Variants in ATP10B observed in about 807,000 individuals in gnomAD.
ATP10B encodes ATPase phospholipid transporting 10B (putative).
Under a neutral mutation model 141.2 loss-of-function variants are expected in ATP10B, and 122 were observed. The ratio of observed to expected loss-of-function variants is 0.86; its 90% CI spans 0.75 to 1.00. The LOEUF (loss-of-function observed/expected upper bound fraction) is 1.00. ATP10B is among the 50% of genes least tolerant of loss of function. The pLI, the probability that ATP10B is intolerant of heterozygous loss-of-function variation, is 0.00. For synonymous variants in ATP10B, 685 were observed against 692.0 expected (o/e 0.99, Z 0.16); for missense variants, 1,876 against 1,825.3 (o/e 1.03, Z -0.51).
intron 1 of ATP10B, among the ~76,000 whole-genome samples, chr5:160,789,122 A>G (rs1771387587): frequency 6.6e-6 from 1 of 152,146 alleles, no homozygotes; most frequent in African/African-American, 2.4e-5. Context: ...GCACCCATAC[A>G]TGTGGATGAA....
At chr5:160,665,331 A>G (rs965011397) in intron 7 of ATP10B, among the ~76,000 whole-genome samples, 1 of 152,242 alleles carries the variant, frequency 6.6e-6, no homozygotes, top group African/African-American at 2.4e-5. Context: ...TGCTTAAGCC[A>G]TGAGGATTGT....
chr5:160,861,869 A>G, the ATP10B span, among the ~76,000 whole-genome samples: 2 of 151,970 alleles, frequency 1.3e-5, no homozygotes, highest in Non-Finnish European at 2.9e-5. Flanking sequence ...TTTAAAAATA[A>G]CAATATATCT....
intron 16 of ATP10B, among the ~76,000 whole-genome samples, chr5:160,617,256 C>A (rs1190286609): frequency 6.6e-6 from 1 of 152,228 alleles, no homozygotes. Context: ...GCCTGCCTTG[C>A]AGAAGTTGCA....
At chr5:160,709,852 T>C (rs1236328219) in intron 3 of ATP10B, among the ~76,000 whole-genome samples, 1 of 112,194 alleles carries the variant, frequency 8.9e-6, no homozygotes, top group African/African-American at 3.5e-5. Flanking sequence ...TGAGTGAGAA[T>C]ATGCGGTGTT....
At chr5:160,690,954 C>A (rs1164253231) in intron 3 of ATP10B, among the ~76,000 whole-genome samples, 1 of 152,152 alleles carries the variant, frequency 6.6e-6, no homozygotes, top group African/African-American at 2.4e-5. Context: ...TTGGAACCAA[C>A]CCAAATGCCC....
intron 1 of ATP10B, among the ~76,000 whole-genome samples, chr5:160,800,818 A>G (rs1213920247): frequency 6.6e-6 from 1 of 152,222 alleles, no homozygotes; most frequent in Non-Finnish European, 1.5e-5. Context: ...TCAGCTTAAG[A>G]AACACATTTA....
the ATP10B span, among the ~76,000 whole-genome samples, chr5:160,903,935 G>C: frequency 3.7e-4 from 56 of 152,230 alleles, 1 homozygote; most frequent in South Asian, 0.011. Flanking sequence ...TAAAGAGGCA[G>C]AACATATGGG....
At chr5:160,831,808 A>G (rs780180820) in intron 1 of ATP10B, among the ~76,000 whole-genome samples, 4 of 152,164 alleles carry the variant, frequency 2.6e-5, no homozygotes, top group African/African-American at 4.8e-5. Context: ...TAGGATGTCA[A>G]GAGGTAATAG....
At chr5:160,864,259 G>T in the ATP10B span, among the ~76,000 whole-genome samples, 4 of 151,986 alleles carry the variant, frequency 2.6e-5, no homozygotes. Context: ...TACCAGCCAT[G>T]CAGGGATAGT....
At chr5:160,801,929 A>G (rs1055964343) in intron 1 of ATP10B, among the ~76,000 whole-genome samples, 6 of 152,148 alleles carry the variant, frequency 3.9e-5, no homozygotes, top group Non-Finnish European at 8.8e-5. Context: ...ATCTAGCATA[A>G]TGCCTAGCAA....
intron 1 of ATP10B, among the ~76,000 whole-genome samples, chr5:160,795,649 A>C (rs1461001617): frequency 6.6e-6 from 1 of 151,796 alleles, no homozygotes; most frequent in Non-Finnish European, 1.5e-5. Context: ...GGATCATCCT[A>C]GATTATTCAG....
At chr5:160,647,329 A>ACT (rs1760364474) in intron 8 of ATP10B, among the ~76,000 whole-genome samples, 1 of 152,070 alleles carries the variant, frequency 6.6e-6, no homozygotes, top group African/African-American at 2.4e-5. Context: ...CTTGCTGAGT[A>ACT]CAGCAAGGAT....
chr5:160,807,773 T>C (rs1772883219), intron 1 of ATP10B, among the ~76,000 whole-genome samples: 1 of 152,224 alleles, frequency 6.6e-6, no homozygotes, highest in African/African-American at 2.4e-5. Flanking sequence ...ATGTTGAATT[T>C]AATCTGAATG....
intron 1 of ATP10B, among the ~76,000 whole-genome samples, chr5:160,807,178 G>A (rs530200620): frequency 7.9e-5 from 12 of 152,274 alleles, no homozygotes; most frequent in South Asian, 6.2e-4. Context: ...ATAGTTGCTC[G>A]TATTGTGTTG....
the ATP10B span, among the ~76,000 whole-genome samples, chr5:160,910,943 T>C: frequency 6.6e-6 from 1 of 152,216 alleles, no homozygotes; most frequent in African/African-American, 2.4e-5. Flanking sequence ...CGTAAGTTCT[T>C]ACTCTTAGTT....
In ATP10B at chr5:160,852,145, A is replaced by G. The variant is rs2127993774; in HGVS notation, c.-780T>C. ...ACTTAGAGAAGATGACACACTGAAA[A>G]GAAATAACTGTGACCAATGAAAGAA... On this transcript the variant is annotated 5_prime_UTR_variant, in exon 1 of 26. Transcript: ENST00000327245. 6.6e-6 allele frequency: 1 copy of G among 152,342 alleles called. No individual in the cohort carries two copies. Among genetic ancestry groups the G allele is most frequent in the Admixed American group, 6.5e-5 (1 of 15,300 alleles). 9.4% of individuals were successfully genotyped at this position (152,342 alleles called of 1,614,324 possible).
intron 7 of ATP10B, among the ~76,000 whole-genome samples, chr5:160,661,352 T>A (rs1181111898): frequency 1.3e-5 from 2 of 152,214 alleles, no homozygotes; most frequent in African/African-American, 2.4e-5. Flanking sequence ...CTTGTTCTTA[T>A]TTGGATGCTG....
At chr5:160,891,713 C>T in the ATP10B span, among the ~76,000 whole-genome samples, 8 of 152,204 alleles carry the variant, frequency 5.3e-5, no homozygotes, top group Admixed American at 5.2e-4. Flanking sequence ...GCTGGGATTA[C>T]AGGTGTGAGC....
intron 2 of ATP10B, among the ~76,000 whole-genome samples, chr5:160,755,396 T>C (rs1768453634): frequency 6.6e-6 from 1 of 152,212 alleles, no homozygotes; most frequent in Admixed American, 6.5e-5. Context: ...AATTTCGTTG[T>C]CGTGTGAACA....
Sources: gnomAD v4.1 joint callset for allele counts (sites outside exome capture counted in the v4.1 genomes callset) on GRCh38, gnomAD v4.1.1 for gene constraint, MANE v1.5 for transcripts, NCBI Gene and HGNC (gene_info 2026-07-23, HGNC 2026-07-21) for gene names.